HOXA9: variants seen among roughly 807,000 people sequenced by gnomAD.
The protein encoded by HOXA9 is homeobox A9, also known as homeobox protein Hox-A9.
Under a neutral mutation model 19.0 loss-of-function variants are expected in HOXA9, and 18 were observed. The observed-to-expected ratio is 0.95, with a 90% CI of 0.65 to 1.40. The LOEUF (loss-of-function observed/expected upper bound fraction) is 1.40, where lower values mean the gene tolerates loss of function less well. HOXA9 is among the 40% of genes most tolerant of loss of function. The pLI, the probability that HOXA9 is intolerant of heterozygous loss-of-function variation, is 0.00. For synonymous variants in HOXA9, 198 were observed against 161.1 expected (o/e 1.23, Z -1.73); for missense variants, 443 against 372.2 (o/e 1.19, Z -1.57).
rs751197378 is a variant in HOXA9 at position 27,163,602 on chromosome 7, A to G, written c.*1T>C. 10 of 1,606,996 alleles carry G rather than the reference A, an allele frequency of 6.2e-6. No homozygotes were observed. Among genetic ancestry groups the G allele is most frequent in the East Asian group, 2.2e-5 (1 of 44,734 alleles). ...TTTTTTCTAAATAAGCCCAAATGGC[A>G]TCACTCGTCTTTTGCTCGGTCTTTG... On this transcript the variant is annotated 3_prime_UTR_variant, in exon 2 of 2. Coordinates refer to ENST00000343483, the MANE Select transcript of HOXA9 (RefSeq NM_152739.4).
At position 27,165,341 on chromosome 7, in the gene HOXA9, G is replaced by A; in HGVS notation, c.117C>T (p.Pro39=). 6.3e-7 allele frequency: 1 copy of A among 1,586,364 alleles called. No homozygotes were observed. The highest frequency in any genetic ancestry group is 8.6e-7 in the Non-Finnish European group (1 of 1,168,078). The part of the protein sequence containing the change: ...RYAPGTLGQP[P]RQAATLAEHP... ...GCTCGGCCAGCGTCGCCGCCTGCCG[G>A]GGAGGCTGGCCCAGGGTCCCCGGCG... Residue 39 remains proline (P), a synonymous_variant, in exon 1 of 2, where the codon CCC becomes CCT. Coordinates refer to ENST00000343483, the MANE Select transcript of HOXA9 (RefSeq NM_152739.4).
chr7:27,163,932 T>G, intron 1 of HOXA9, 91 bp from the exon 2 acceptor site: 1 of 1,017,670 alleles, frequency 9.8e-7, no homozygotes, highest in Non-Finnish European at 1.5e-6. Context: ...CTGGCCGAAG[T>G]GCAGAACTCT....
In HOXA9 at chr7:27,163,494, T is replaced by C. The variant is rs988275681; in HGVS notation, c.*109A>G. 7.2e-5 allele frequency: 63 copies of C among 869,690 alleles called. No individual in the cohort carries two copies. The highest frequency in any genetic ancestry group is 4.6e-5 in the Non-Finnish European group (25 of 548,746). 53.9% of individuals were successfully genotyped at this position (869,690 alleles called of 1,614,324 possible). On this transcript the variant is annotated 3_prime_UTR_variant, in exon 2 of 2. Coordinates refer to ENST00000343483, the MANE Select transcript of HOXA9 (RefSeq NM_152739.4). Reference sequence around the variant, plus strand: ...GGTTTAGAGCCGCTTTGTGCGGGGATGGTGGAGGCTAGGGTGGGGGTGAGA... The same window carrying C: ...GGTTTAGAGCCGCTTTGTGCGGGGACGGTGGAGGCTAGGGTGGGGGTGAGA...
chr7:27,165,236 G>C lies in HOXA9; in HGVS notation c.222C>G (p.Gly74=). 2 of 1,565,446 alleles carry C rather than the reference G, an allele frequency of 1.3e-6. No homozygotes were observed. Among genetic ancestry groups the C allele is most frequent in the Non-Finnish European group, 1.7e-6 (2 of 1,157,314 alleles). Reference sequence around the variant, plus strand: ...ACACCGCAGCGGGTACAGCGTTGGCGCCCGCCGCGTGCACTGGGTTCCACG... The same window carrying C: ...ACACCGCAGCGGGTACAGCGTTGGCCCCCGCCGCGTGCACTGGGTTCCACG... ...GASWNPVHAA[G]ANAVPAAVYH... is the part of the protein sequence containing the mutation. Residue 74 remains glycine, a synonymous_variant, in exon 1 of 2, where the codon GGC becomes GGG. Coordinates refer to ENST00000343483, the MANE Select transcript of HOXA9 (RefSeq NM_152739.4).
Position 27,163,488 on chromosome 7 carries a change from C to A in HOXA9, c.*115G>T, listed in dbSNP as rs1032584712. On this transcript the variant is annotated 3_prime_UTR_variant, in exon 2 of 2. Transcript: ENST00000343483. The stretch of plus-strand genomic sequence containing the variant: ...GCCTGAGGTTTAGAGCCGCTTTGTG[C>A]GGGGATGGTGGAGGCTAGGGTGGGG... 24 of 853,656 alleles carry A rather than the reference C, an allele frequency of 2.8e-5. No homozygotes were observed. The highest frequency in any genetic ancestry group is 1.7e-4 in the African/African-American group (10 of 59,024). The allele number at this position is 853,656 out of a possible 1,614,324, so 52.9% of individuals were successfully genotyped here. A position where few individuals can be genotyped will look rare whatever the true frequency, so the allele number is the denominator to read the frequency against.
chr7:27,163,938 ACT>A, intron 1 of HOXA9, 97 bp from the exon 2 acceptor site: 1 of 947,330 alleles, frequency 1.1e-6, no homozygotes, highest in Non-Finnish European at 1.7e-6. Flanking sequence ...GAAGTGCAGA[ACT>A]CTGCTGAACT....
chr7:27,165,314 G>C lies in HOXA9; in HGVS notation c.144C>G (p.His48Gln). ...GGAAGCTGCACGGGCTGAAGTCGGG[G>C]TGCTCGGCCAGCGTCGCCGCCTGCC... Reference protein sequence around the residue: ...PPRQAATLAEHPDFSPCSFQS... With the variant: ...PPRQAATLAEQPDFSPCSFQS... Residue 48 changes from histidine to glutamine, a missense_variant, in exon 1 of 2, where the codon CAC becomes CAG. By Grantham distance (24) the His-to-Gln change is conservative (BLOSUM62 0). Coordinates refer to ENST00000343483, the MANE Select transcript of HOXA9 (RefSeq NM_152739.4). 1 of 1,573,910 alleles carries C rather than the reference G, an allele frequency of 6.4e-7. No homozygotes were observed. The highest frequency in any genetic ancestry group is 1.1e-5 in the South Asian group (1 of 87,452).
At chr7:27,164,458 G>A (rs1018151131) in intron 1 of HOXA9, among the ~76,000 whole-genome samples, 2 of 152,256 alleles carry the variant, frequency 1.3e-5, no homozygotes, top group Non-Finnish European at 2.9e-5. Flanking sequence ...GAAGGAATCG[G>A]CCGTCTCCCC....
rs778356060 is a variant in HOXA9 at position 27,165,414 on chromosome 7, A to G, written c.44T>C (p.Phe15Ser). 19 of 1,609,764 alleles carry G rather than the reference A, an allele frequency of 1.2e-5. No individual in the cohort carries two copies. The highest frequency in any genetic ancestry group is 1.6e-5 in the Non-Finnish European group (19 of 1,179,076). The stretch of plus-strand genomic sequence containing the variant: ...ATCCGCGGCGTCGGCGCCCAGCAGG[A>G]ACGAGTCCACGTAGTAGTTGCCCAG... The part of the protein sequence containing the change: ...GALGNYYVDS[F>S]LLGADAADEL... Residue 15 changes from phenylalanine (F) to serine (S), a missense_variant, in exon 1 of 2, where the codon TTC becomes TCC. Physicochemically the swap from Phe to Ser is radical, Grantham distance 155. Transcript: ENST00000343483.
intron 1 of HOXA9, 30 bp downstream of exon 1, chr7:27,164,848 G>A (rs1426843829): frequency 1.3e-6 from 2 of 1,591,978 alleles, no homozygotes; most frequent in Middle Eastern, 1.8e-4. Context: ...CGTGGAGGCG[G>A]CGGCGGATTT....
chr7:27,164,814 G>A (rs1783282214), intron 1 of HOXA9, 64 bp downstream of exon 1: 1 of 1,566,188 alleles, frequency 6.4e-7, no homozygotes, highest in Non-Finnish European at 8.7e-7. Flanking sequence ...GAAACCTGGC[G>A]GGCCAGCAGA....
chr7:27,165,338 C>T lies in HOXA9; in HGVS notation c.120G>A (p.Arg40=). 1.9e-6 allele frequency: 3 copies of T among 1,583,678 alleles called. No homozygotes were observed. Among genetic ancestry groups the T allele is most frequent in the East Asian group, 2.3e-5 (1 of 43,174 alleles). Residue 40 remains arginine (R), a synonymous_variant, in exon 1 of 2, where the codon CGG becomes CGA. Transcript: ENST00000343483. ...YAPGTLGQPP[R]QAATLAEHPD... ...GGTGCTCGGCCAGCGTCGCCGCCTG[C>T]CGGGGAGGCTGGCCCAGGGTCCCCG...
Position 27,163,784 on chromosome 7 carries a change from T to G in HOXA9, c.638A>C (p.Tyr213Ser). The stretch of plus-strand genomic sequence containing the variant: ...CAGTTCCAGGGTCTGGTGTTTTGTA[T>G]AGGGGCACCGCTTTTTCCGAGTGGA... ...ARSTRKKRCP[Y>S]TKHQTLELEK... The change falls in exon 2 of 2, where the codon TAT becomes TCT. Residue 213 changes from tyrosine (Y) to serine (S), a missense_variant. Physicochemically the swap from Tyr to Ser is moderately radical, Grantham distance 144. Coordinates refer to ENST00000343483, the MANE Select transcript of HOXA9 (RefSeq NM_152739.4). 6.2e-7 allele frequency: 1 copy of G among 1,614,062 alleles called. No individual in the cohort carries two copies. Among genetic ancestry groups the G allele is most frequent in the Non-Finnish European group, 8.5e-7 (1 of 1,180,002 alleles).
In HOXA9 at chr7:27,165,356, G is replaced by C. The variant is rs771743626; in HGVS notation, c.102C>G (p.Thr34=). The C allele has an allele frequency of 3.1e-6, 5 of 1,595,014 alleles. No homozygotes were observed. The Admixed American group carries it at 5.2e-5, about 16-fold the overall frequency. Residue 34 remains threonine (T), a synonymous_variant, in exon 1 of 2, where the codon ACC becomes ACG. Transcript: ENST00000343483. Reference sequence around the variant, plus strand: ...CCGCCTGCCGGGGAGGCTGGCCCAGGGTCCCCGGCGCATAGCGGCCAACGC... The same window carrying C: ...CCGCCTGCCGGGGAGGCTGGCCCAGCGTCCCCGGCGCATAGCGGCCAACGC... The part of the protein sequence containing the change: ...ELSVGRYAPG[T]LGQPPRQAAT...
rs1783239881 is a variant in HOXA9, at chr7:27,163,292, G to A, written c.*311C>T. On this transcript the variant is annotated 3_prime_UTR_variant, in exon 2 of 2. Coordinates refer to ENST00000343483, the MANE Select transcript of HOXA9 (RefSeq NM_152739.4). ...TCCTTTTGTTTTAAGTCAGGAACAG[G>A]TAGATTTTTAAAAATATATATACAA... The A allele has an allele frequency of 6.7e-6, 2 of 298,928 alleles. No homozygotes were observed. Among genetic ancestry groups the A allele is most frequent in the African/African-American group, 4.3e-5 (2 of 46,996 alleles). 18.5% of individuals were successfully genotyped at this position (298,928 alleles called of 1,614,324 possible). A position where few individuals can be genotyped will look rare whatever the true frequency, so the allele number is the denominator to read the frequency against.
intron 1 of HOXA9, 64 bp downstream of exon 1, chr7:27,164,814 G>T: frequency 1.3e-6 from 2 of 1,566,188 alleles, no homozygotes; most frequent in Admixed American, 1.8e-5. Context: ...GAAACCTGGC[G>T]GGCCAGCAGA....
chr7:27,164,745 C>T, intron 1 of HOXA9, 133 bp downstream of exon 1: 1 of 1,414,894 alleles, frequency 7.1e-7, no homozygotes, highest in Non-Finnish European at 9.4e-7. Context: ...CAAACACCAA[C>T]TTCTGGCTCC....
rs1783248496 is a variant in HOXA9 at position 27,163,581 on chromosome 7, T to C, written c.*22A>G. Reference sequence around the variant, plus strand: ...CTTTTTCTCTCTAGCTTACCCTTTTTTCTAAATAAGCCCAAATGGCATCAC... The same window carrying C: ...CTTTTTCTCTCTAGCTTACCCTTTTCTCTAAATAAGCCCAAATGGCATCAC... On this transcript the variant is annotated 3_prime_UTR_variant, in exon 2 of 2. Coordinates refer to ENST00000343483, the MANE Select transcript of HOXA9 (RefSeq NM_152739.4). The C allele has an allele frequency of 2.5e-6, 4 of 1,570,102 alleles. No homozygotes were observed. The highest frequency in any genetic ancestry group is 1.7e-5 in the Admixed American group (1 of 57,900).
chr7:27,163,478 C>A lies in HOXA9; in HGVS notation c.*125G>T. The A allele has an allele frequency of 1.2e-6, 1 of 812,578 alleles. No homozygotes were observed. Among genetic ancestry groups the A allele is most frequent in the South Asian group, 1.7e-5 (1 of 59,666 alleles). 50.3% of individuals were successfully genotyped at this position (812,578 alleles called of 1,614,324 possible). On this transcript the variant is annotated 3_prime_UTR_variant, in exon 2 of 2. Coordinates refer to ENST00000343483, the MANE Select transcript of HOXA9 (RefSeq NM_152739.4). ...AAAAGATGTGGCCTGAGGTTTAGAG[C>A]CGCTTTGTGCGGGGATGGTGGAGGC...
Sources: allele counts gnomAD v4.1 joint callset (sites outside exome capture counted in the v4.1 genomes callset), GRCh38; gene constraint gnomAD v4.1.1; transcripts MANE v1.5; gene names NCBI Gene and HGNC (gene_info 2026-07-23, HGNC 2026-07-21).